The following E2F3 variants were observed in gnomAD, a reference collection of about 807,000 sequenced individuals.
The protein encoded by E2F3 is transcription factor E2F3.
A neutral mutation model predicts 44.4 loss-of-function variants in E2F3; 11 were observed. That is an observed-to-expected ratio of 0.25 (90% confidence interval 0.16 to 0.41). The LOEUF is 0.41. Among genes scored for constraint, E2F3 ranks in the 10% least tolerant of loss-of-function variants. The probability of loss-of-function intolerance (pLI) is 1.00; values close to 1 mark genes in which losing one functional copy is unlikely to be tolerated. For synonymous variants in E2F3, 249 were observed against 253.0 expected, an observed-to-expected ratio of 0.98 and a Z score of 0.15; for missense variants, 487 against 583.6, an observed-to-expected ratio of 0.83 and a Z score of 1.70.
chr6:20,413,103 G>T (rs942378591), intron 1 of E2F3, among the ~76,000 whole-genome samples: 2 of 152,212 alleles, frequency 1.3e-5, no homozygotes, highest in Admixed American at 6.5e-5. Context: ...AACCCAAGGA[G>T]CCTGGCTCCA....
chr6:20,410,146 C>T (rs1759623440), intron 1 of E2F3, among the ~76,000 whole-genome samples: 1 of 152,158 alleles, frequency 6.6e-6, no homozygotes, highest in Non-Finnish European at 1.5e-5. Flanking sequence ...TGCTCTTCCC[C>T]ATTTCTGATG....
chr6:20,490,181 C>T lies in E2F3; in HGVS notation c.1149C>T (p.Thr383=). 1 of 1,567,818 alleles carries T rather than the reference C, an allele frequency of 6.4e-7. No homozygotes were observed. Among genetic ancestry groups the T allele is most frequent in the South Asian group, 1.2e-5 (1 of 83,864 alleles). The change falls in exon 7 of 7, where the codon ACC becomes ACT. Residue 383 remains threonine (T), a synonymous_variant. Coordinates refer to ENST00000346618, the MANE Select transcript of E2F3 (RefSeq NM_001949.5). This position sits in a 1 kb window ranked among gnomAD's most constrained non-coding sequence, Gnocchi z 4.3. ...PKPASKDLAS[T]NSGHSDCSVS... Reference sequence around the variant, plus strand: ...TTTTCTTTTCAGACTTGGCTTCAACCAACTCAGGACATAGCGATTGCTCAG... The same window carrying T: ...TTTTCTTTTCAGACTTGGCTTCAACTAACTCAGGACATAGCGATTGCTCAG...
At chr6:20,420,393 G>C (rs1218932107) in intron 1 of E2F3, among the ~76,000 whole-genome samples, 1 of 152,030 alleles carries the variant, frequency 6.6e-6, no homozygotes, top group African/African-American at 2.4e-5. Flanking sequence ...TTTTCTTACT[G>C]AATTATTGGA....
At chr6:20,466,931 T>C (rs9358337) in intron 1 of E2F3, among the ~76,000 whole-genome samples, 121,222 of 152,112 alleles carry the variant, frequency 0.8, 48,641 homozygotes, top group African/African-American at 0.87. Flanking sequence ...CCACCTGCCT[T>C]GGCCTCCCAA....
At chr6:20,405,494 A>G (rs944324208) in intron 1 of E2F3, among the ~76,000 whole-genome samples, 1 of 151,028 alleles carries the variant, frequency 6.6e-6, no homozygotes, top group African/African-American at 2.4e-5. Flanking sequence ...TACAGGCGTG[A>G]GCCACCACGC....
rs1438875709 is a variant in E2F3 at position 20,493,583 on chromosome 6, A to G, written c.*3153A>G. 2 of 209,810 alleles carry G rather than the reference A, an allele frequency of 9.5e-6. No homozygotes were observed. Among genetic ancestry groups the G allele is most frequent in the Non-Finnish European group, 1.9e-5 (2 of 103,428 alleles). The allele number at this position is 209,810 out of a possible 1,614,324, so 13.0% of individuals were successfully genotyped here. On this transcript the variant is annotated 3_prime_UTR_variant, in exon 7 of 7. Coordinates refer to ENST00000346618, the MANE Select transcript of E2F3 (RefSeq NM_001949.5). ...TAAAAAAAAACAAAAAAAAGCTTTTATGATGGATTTTGTAAATAGATTTGT... is the reference window on the plus strand; with the variant it reads ...TAAAAAAAAACAAAAAAAAGCTTTTGTGATGGATTTTGTAAATAGATTTGT...
intron 1 of E2F3, among the ~76,000 whole-genome samples, chr6:20,473,195 A>G (rs1761946889): frequency 6.6e-6 from 1 of 152,250 alleles, no homozygotes; most frequent in African/African-American, 2.4e-5. Flanking sequence ...TGTAAAGAAG[A>G]GTTTTTAAAT....
rs149481684 is a variant in E2F3 at position 20,452,130 on chromosome 6, C to T, written c.394-27716C>T. Reference sequence around the variant, plus strand: ...GGACTAGTTACAGTGGGAATGGTACCAGCTCTTTGTACGTCTGGTAGAATT... The same window carrying T: ...GGACTAGTTACAGTGGGAATGGTACTAGCTCTTTGTACGTCTGGTAGAATT... On this transcript the variant is annotated intron_variant, in intron 1 of 6. Coordinates refer to ENST00000346618, the MANE Select transcript of E2F3 (RefSeq NM_001949.5). Among the ~76,000 whole-genome samples the T allele has an allele frequency of 7.2e-5, 11 of 152,254 alleles. No individual in the cohort carries two copies. In the East Asian group the frequency reaches 1.7e-3, roughly 24 times the overall value.
At chr6:20,407,871 A>G (rs989751020) in intron 1 of E2F3, among the ~76,000 whole-genome samples, 5 of 152,210 alleles carry the variant, frequency 3.3e-5, no homozygotes, top group Non-Finnish European at 2.9e-5. Context: ...GTCAAAATCA[A>G]TTGCCTATGC....
In E2F3 at chr6:20,402,057, GC is replaced by G; in HGVS notation, c.-171del. On this transcript the variant is annotated 5_prime_UTR_variant, in exon 1 of 7. Coordinates refer to ENST00000346618, the MANE Select transcript of E2F3 (RefSeq NM_001949.5). This position sits in a 1 kb window ranked among gnomAD's most constrained non-coding sequence, Gnocchi z 5.6. ...CTCTCCAGAGCCCCGATTATTTTTG[GC>G]CCCCGGGGCCTGTGCGGTGCGGAAA... 8.9e-7 allele frequency: 1 copy of G among 1,125,510 alleles called. No homozygotes were observed. Among genetic ancestry groups the G allele is most frequent in the Non-Finnish European group, 1.2e-6 (1 of 847,418 alleles). The allele number at this position is 1,125,510 out of a possible 1,614,324, so 69.7% of individuals were successfully genotyped here. A position where few individuals can be genotyped will look rare whatever the true frequency, so the allele number is the denominator to read the frequency against.
At chr6:20,459,938 AG>A (rs1761442739) in intron 1 of E2F3, among the ~76,000 whole-genome samples, 1 of 152,218 alleles carries the variant, frequency 6.6e-6, no homozygotes, top group Admixed American at 6.5e-5. Context: ...CTGTCTCAAA[AG>A]AAAAAGAAAA....
At chr6:20,451,290 T>A (rs6916127) in intron 1 of E2F3, among the ~76,000 whole-genome samples, 134,220 of 152,212 alleles carry the variant, frequency 0.88, 59,377 homozygotes, top group East Asian at 0.94. Context: ...ATCTTTCTAG[T>A]GTATTCCTAG....
At chr6:20,441,511 C>A (rs999887731) in intron 1 of E2F3, among the ~76,000 whole-genome samples, 2 of 151,938 alleles carry the variant, frequency 1.3e-5, no homozygotes, top group East Asian at 3.9e-4. Context: ...TTTTAAAATT[C>A]CTTTGGGTAT....
intron 1 of E2F3, among the ~76,000 whole-genome samples, chr6:20,471,211 CATT>C (rs1398397853): frequency 6.6e-6 from 1 of 152,154 alleles, no homozygotes; most frequent in South Asian, 2.1e-4. Context: ...CGCTGTACAT[CATT>C]ATTAATTACA....
intron 1 of E2F3, among the ~76,000 whole-genome samples, chr6:20,435,715 C>T (rs1760551420): frequency 6.6e-6 from 1 of 152,114 alleles, no homozygotes; most frequent in Admixed American, 6.5e-5. Context: ...TGTGCCACTG[C>T]ACTCCAGCCT....
chr6:20,403,639 G>A (rs1055870942), intron 1 of E2F3: 10 of 506,496 alleles, frequency 2.0e-5, no homozygotes, highest in Non-Finnish European at 3.1e-5. Flanking sequence ...CCGGCTCCCT[G>A]GCCTGGGACG....
intron 1 of E2F3, among the ~76,000 whole-genome samples, chr6:20,479,589 T>A (rs1762154211): frequency 6.6e-6 from 1 of 152,222 alleles, no homozygotes. Flanking sequence ...CTCCTGAACC[T>A]AATGCTGAAG....
Position 20,477,456 on chromosome 6 carries a change from G to T in E2F3, c.394-2390G>T, listed in dbSNP as rs141739657. Among the ~76,000 whole-genome samples, 15 of 152,266 alleles carry T rather than the reference G, an allele frequency of 9.9e-5. 2 individuals carry two copies. The East Asian group carries it at 1.9e-3, about 20-fold the overall frequency. ...CCTCATCAGCCAAGCAGGACTAGAG[G>T]TGAGGGTGTGTGAAATAGGCCGTGC... On this transcript the variant is annotated intron_variant, in intron 1 of 6. Transcript: ENST00000346618.
At position 20,452,879 on chromosome 6, in the gene E2F3, G is replaced by A. The variant is rs1022649826; in HGVS notation, c.394-26967G>A. Among the ~76,000 whole-genome samples, 8 of 152,070 alleles carry A rather than the reference G, an allele frequency of 5.3e-5. No homozygotes were observed. In the East Asian group the frequency reaches 5.8e-4, roughly 11 times the overall value. ...TGAGGCAGGAGAATCGTTTGAACCC[G>A]GGTGGCAGAGGTTGCAGTGAGCCGA... On this transcript the variant is annotated intron_variant, in intron 1 of 6. Coordinates refer to ENST00000346618, the MANE Select transcript of E2F3 (RefSeq NM_001949.5).
Sources: allele counts gnomAD v4.1 joint callset (sites outside exome capture counted in the v4.1 genomes callset), GRCh38; gene constraint gnomAD v4.1.1; non-coding constraint Gnocchi (gnomAD v3.1); transcripts MANE v1.5; gene names NCBI Gene and HGNC (gene_info 2026-07-23, HGNC 2026-07-21).